Variants in RYR3 observed in about 807,000 individuals in gnomAD.
RYR3 encodes the protein ryanodine receptor 3, also known as brain ryanodine receptor-calcium release channel.
RYR3 carries 207 observed loss-of-function variants against 584.3 expected under a neutral mutation model. The observed-to-expected ratio is 0.35, with a 90% CI of 0.32 to 0.40. RYR3 has a LOEUF of 0.40. Among genes scored for constraint, RYR3 ranks in the 10% least tolerant of loss-of-function variants. The pLI is 1.00. For synonymous variants in RYR3, 2,416 were observed against 2,248.5 expected (o/e 1.07, Z -2.11); for missense variants, 5,616 against 6,089.2 (o/e 0.92, Z 2.59).
At chr15:33,835,404 A>C (rs2077976750) in intron 87 of RYR3, among the ~76,000 whole-genome samples, 1 of 152,074 alleles carries the variant, frequency 6.6e-6, no homozygotes, top group Admixed American at 6.6e-5. Context: ...ACACTCTACC[A>C]GCCCCGTCTG....
chr15:33,838,342 C>G lies in RYR3; in HGVS notation c.12362C>G (p.Ser4121Cys), dbSNP rs2078163216. 1.9e-6 allele frequency: 3 copies of G among 1,613,980 alleles called. No individual in the cohort carries two copies. Among genetic ancestry groups the G allele is most frequent in the South Asian group, 1.1e-5 (1 of 91,078 alleles). Residue 4121 changes from serine to cysteine, a missense_variant, in exon 89 of 104, where the codon TCT (serine) becomes TGT (cysteine). This residue lies in a region of RYR3 where 258 missense variants were observed against 297.3 expected (regional missense o/e 0.87). Coordinates refer to ENST00000634891, the MANE Select transcript of RYR3 (RefSeq NM_001036.6). ...PEEEEEDEDS[S>C]YVLEIAGEEE... The stretch of plus-strand genomic sequence containing the variant: ...GAGGAGGAAGAAGATGAAGATTCTT[C>G]TTACGTGTTAGAAATTGCGGGTGAA...
At chr15:33,665,926 A>G (rs4779628) in intron 36 of RYR3, among the ~76,000 whole-genome samples, 135,380 of 152,212 alleles carry the variant, frequency 0.89, 60,899 homozygotes, top group Non-Finnish European at 0.95. Flanking sequence ...TTCTTCACTA[A>G]TGTATTAGAC....
chr15:33,327,084 T>C (rs887472942), intron 1 of RYR3, among the ~76,000 whole-genome samples: 7 of 152,048 alleles, frequency 4.6e-5, no homozygotes, highest in African/African-American at 1.7e-4. Flanking sequence ...ATGTTACATC[T>C]GTAATTTTCT....
At chr15:33,585,296 A>T (rs2058793421) in intron 15 of RYR3, among the ~76,000 whole-genome samples, 1 of 152,212 alleles carries the variant, frequency 6.6e-6, no homozygotes, top group Non-Finnish European at 1.5e-5. Flanking sequence ...AACATTGAGA[A>T]AAAAACAGAA....
intron 28 of RYR3, among the ~76,000 whole-genome samples, chr15:33,645,374 G>A (rs1221610106): frequency 1.3e-5 from 2 of 152,164 alleles, no homozygotes; most frequent in Non-Finnish European, 2.9e-5. Flanking sequence ...TGCAGCTTTA[G>A]TCAAGTTAGA....
At chr15:33,714,344 C>G (rs1481124141) in intron 43 of RYR3, among the ~76,000 whole-genome samples, 1 of 152,096 alleles carries the variant, frequency 6.6e-6, no homozygotes, top group East Asian at 1.9e-4. Context: ...ACTATTATTT[C>G]TTAATGTTTG....
rs2045608449 is a variant in RYR3, at chr15:33,435,481, T to C, written c.52-37938T>C. 2.0e-5 allele frequency among the ~76,000 whole-genome samples: 3 copies of C among 152,318 alleles called. No individual in the cohort carries two copies. The South Asian group carries it at 6.2e-4, about 32-fold the overall frequency. On this transcript the variant is annotated intron_variant, in intron 1 of 103. Coordinates refer to ENST00000634891, the MANE Select transcript of RYR3 (RefSeq NM_001036.6). ...GATATGTGTATGTGTGTGTGTGCTA[T>C]TTCACATCCTACTGTAATAAACATT... is the stretch of plus-strand genomic sequence containing the variant.
intron 19 of RYR3, among the ~76,000 whole-genome samples, chr15:33,614,269 T>G (rs1335079259): frequency 6.6e-6 from 1 of 152,190 alleles, no homozygotes; most frequent in East Asian, 1.9e-4. Flanking sequence ...GATTATGATG[T>G]ACTGCCCCTC....
chr15:33,750,405 A>G, intron 57 of RYR3, 119 bp downstream of exon 57: 2 of 1,000,730 alleles, frequency 2.0e-6, no homozygotes, highest in Non-Finnish European at 2.8e-6. Context: ...AAATGAGAAC[A>G]TTTTTATTTT....
intron 38 of RYR3, among the ~76,000 whole-genome samples, chr15:33,682,474 C>T (rs764663618): frequency 2.0e-5 from 3 of 151,944 alleles, no homozygotes; most frequent in Admixed American, 1.3e-4. Context: ...GCAGCTTATA[C>T]ATCATATATT....
rs2142327583 is a variant in RYR3, at chr15:33,480,156, T to A, written c.171+6618T>A. 1.3e-5 allele frequency among the ~76,000 whole-genome samples: 2 copies of A among 152,338 alleles called. 1 individual carries two copies. On this transcript the variant is annotated intron_variant, in intron 2 of 103. Transcript: ENST00000634891. ...TGCCTTTCCACAAGTCTGTGAGCACTGACATCAAGGACTTTTGTATAGCTC... is the reference window on the plus strand; with the variant it reads ...TGCCTTTCCACAAGTCTGTGAGCACAGACATCAAGGACTTTTGTATAGCTC...
chr15:33,662,996 T>C, intron 35 of RYR3, 48 bp downstream of exon 35: 1 of 1,513,606 alleles, frequency 6.6e-7, no homozygotes, highest in Non-Finnish European at 9.0e-7. Flanking sequence ...ATCTTCTGCT[T>C]TGATCAAAAT....
chr15:33,708,144 G>A (rs1381037726), intron 43 of RYR3, among the ~76,000 whole-genome samples: 1 of 152,180 alleles, frequency 6.6e-6, no homozygotes, highest in Non-Finnish European at 1.5e-5. Context: ...GGCAGTTTTA[G>A]AGTATCCTCT....
intron 1 of RYR3, among the ~76,000 whole-genome samples, chr15:33,354,826 A>C (rs1973742413): frequency 6.6e-6 from 1 of 152,220 alleles, no homozygotes; most frequent in South Asian, 2.1e-4. Flanking sequence ...TGTCTCTGAC[A>C]GGATCAGTTG....
chr15:33,817,277 C>T (rs887506228), intron 75 of RYR3, among the ~76,000 whole-genome samples: 5 of 152,180 alleles, frequency 3.3e-5, no homozygotes, highest in African/African-American at 1.2e-4. Flanking sequence ...CAGGAGGCCA[C>T]CCCAGCCAAA....
intron 18 of RYR3, among the ~76,000 whole-genome samples, chr15:33,608,586 C>G (rs1484017160): frequency 6.6e-6 from 1 of 152,210 alleles, no homozygotes; most frequent in African/African-American, 2.4e-5. Flanking sequence ...TCCAAATAGT[C>G]TTCCCAGGAC....
At chr15:33,791,563 G>A (rs911311399) in intron 67 of RYR3, among the ~76,000 whole-genome samples, 4 of 152,132 alleles carry the variant, frequency 2.6e-5, no homozygotes, top group Non-Finnish European at 5.9e-5. Flanking sequence ...GAGAGTGGAA[G>A]AATAGATGCA....
intron 1 of RYR3, 183 bp from the exon 2 acceptor site, chr15:33,473,236 G>A: frequency 2.6e-6 from 2 of 770,452 alleles, no homozygotes; most frequent in South Asian, 1.4e-5. Context: ...CTGACTCACG[G>A]TAGATGCTCC....
chr15:33,756,236 T>C, intron 58 of RYR3, 70 bp from the exon 59 acceptor site: 1 of 1,054,506 alleles, frequency 9.5e-7, no homozygotes, highest in East Asian at 2.6e-5. Context: ...AGCTGCTCTG[T>C]TTCTAAAATG....
Sources: allele counts gnomAD v4.1 joint callset (sites outside exome capture counted in the v4.1 genomes callset), GRCh38; gene constraint gnomAD v4.1.1; regional missense constraint gnomAD v4.1.1; transcripts MANE v1.5; gene names NCBI Gene and HGNC (gene_info 2026-07-23, HGNC 2026-07-21).